DGAT1: variants seen among roughly 807,000 people sequenced by gnomAD.
The protein encoded by DGAT1 is diacylglycerol O-acyltransferase 1, also known as ACAT related gene product 1.
In DGAT1, 60 loss-of-function variants were observed where a neutral mutation model predicts 72.6. The observed-to-expected ratio is 0.83, with a 90% CI of 0.67 to 1.02. The LOEUF is 1.02. Among genes scored for constraint, DGAT1 ranks in the 50% least tolerant of loss-of-function variants. The probability of loss-of-function intolerance (pLI) is 0.00; values close to 1 mark genes in which losing one functional copy is unlikely to be tolerated. For synonymous variants in DGAT1, 290 were observed against 267.5 expected (o/e 1.08, Z -0.82); for missense variants, 592 against 670.0 (o/e 0.88, Z 1.29).
chr8:144,318,154 T>G lies in DGAT1; in HGVS notation c.692A>C (p.Lys231Thr), dbSNP rs781875216. The stretch of plus-strand genomic sequence containing the variant: ...GTGCGGGGCAGCAGCACTGCTGGCC[T>G]TCTTCCCTGCAGAGGCTACGAGCAC... The part of the protein sequence containing the change: ...ARAKAASAGK[K>T]ASSAAAPHTV... Residue 231 changes from lysine to threonine, a missense_variant, in exon 8 of 17, where the codon AAG becomes ACG. Coordinates refer to ENST00000528718, the MANE Select transcript of DGAT1 (RefSeq NM_012079.6). 48 of 1,586,466 alleles carry G rather than the reference T, an allele frequency of 3.0e-5. No homozygotes were observed. Among genetic ancestry groups the G allele is most frequent in the East Asian group, 4.5e-5 (2 of 44,462 alleles).
intron 9 of DGAT1, 21 bp downstream of exon 9, chr8:144,317,893 G>A (rs782658376): frequency 1.0e-4 from 158 of 1,538,426 alleles, no homozygotes; most frequent in Non-Finnish European, 1.4e-4. Context: ...TCCAGTGGCT[G>A]CCCCCAGCCC....
rs566464359 is a variant in DGAT1, at chr8:144,315,429, G to C, written c.*1125C>G. 312 of 985,554 alleles carry C rather than the reference G, an allele frequency of 3.2e-4. 1 individual carries two copies. The African/African-American group carries it at 5.1e-3, about 16-fold the overall frequency. 61.1% of individuals were successfully genotyped at this position (985,554 alleles called of 1,614,324 possible). The stretch of plus-strand genomic sequence containing the variant: ...CTGATGAGGCCCCTGGTGCAGTCCT[G>C]GGACCCTGTGCAGGGCCTCCTCAAA... On this transcript the variant is annotated 3_prime_UTR_variant, in exon 17 of 17. Coordinates refer to ENST00000528718, the MANE Select transcript of DGAT1 (RefSeq NM_012079.6).
At position 144,315,778 on chromosome 8, in the gene DGAT1, C is replaced by T; in HGVS notation, c.*776G>A. ...GGGCAGCTGAGAGCCACCAGCCCAC[C>T]TGGCTGCCCAGGTTCCAAGTGAAGG... On this transcript the variant is annotated 3_prime_UTR_variant, in exon 17 of 17. Coordinates refer to ENST00000528718, the MANE Select transcript of DGAT1 (RefSeq NM_012079.6). 3 of 955,806 alleles carry T rather than the reference C, an allele frequency of 3.1e-6. No homozygotes were observed. Among genetic ancestry groups the T allele is most frequent in the Non-Finnish European group, 3.7e-6 (3 of 802,906 alleles). The allele number at this position is 955,806 out of a possible 1,614,324, so 59.2% of individuals were successfully genotyped here.
chr8:144,325,108 C>T (rs1554848645), intron 1 of DGAT1, among the ~76,000 whole-genome samples: 1 of 152,048 alleles, frequency 6.6e-6, no homozygotes, highest in Non-Finnish European at 1.5e-5. Context: ...TTCCCACGTC[C>T]TCCACAGGTC....
chr8:144,315,458 C>T lies in DGAT1; in HGVS notation c.*1096G>A, dbSNP rs1003828077. On this transcript the variant is annotated 3_prime_UTR_variant, in exon 17 of 17. Transcript: ENST00000528718. The stretch of plus-strand genomic sequence containing the variant: ...CCCTGTGCAGGGCCTCCTCAAACAC[C>T]TGCCTTGTTGGGCCATAGCTGCAGG... 93 of 985,452 alleles carry T rather than the reference C, an allele frequency of 9.4e-5. No homozygotes were observed. The highest frequency in any genetic ancestry group is 1.1e-4 in the Non-Finnish European group (91 of 830,006). 61.0% of individuals were successfully genotyped at this position (985,452 alleles called of 1,614,324 possible). A position where few individuals can be genotyped will look rare whatever the true frequency, so the allele number is the denominator to read the frequency against.
intron 9 of DGAT1, 29 bp from the exon 10 acceptor site, chr8:144,317,851 G>A (rs1201476691): frequency 1.2e-6 from 2 of 1,603,274 alleles, no homozygotes; most frequent in African/African-American, 2.7e-5. Flanking sequence ...GCAGCCAGCT[G>A]AGGCCCTGGC....
intron 2 of DGAT1, 107 bp downstream of exon 2, chr8:144,321,214 T>C (rs527342593): frequency 9.2e-7 from 1 of 1,087,612 alleles, no homozygotes; most frequent in East Asian, 2.4e-5. Context: ...CCACAGGGGC[T>C]CCAGCCTGGA....
rs1436012895 is a variant in DGAT1, at chr8:144,318,236, G to A, written c.676+25C>T. ...CTGCTGCCCAGCCCCCCAGCAGGCA[G>A]CCCCAGCCCCTGGCAGCCCCTCACC... On this transcript the variant is annotated intron_variant, in intron 7 of 16. Transcript: ENST00000528718. The A allele has an allele frequency of 1.4e-5, 22 of 1,610,960 alleles. No individual in the cohort carries two copies. In the Admixed American group the frequency reaches 3.5e-4, roughly 26 times the overall value.
chr8:144,317,401 G>C lies in DGAT1; in HGVS notation c.1026C>G (p.Phe342Leu). The change falls in exon 13 of 17, where the codon TTC (phenylalanine) becomes TTG (leucine). Residue 342 changes from phenylalanine (F) to leucine (L), a missense_variant. Physicochemically the swap from Phe to Leu is conservative, Grantham distance 22. Transcript: ENST00000528718. ...LIWLIFFYWL[F>L]HSCLNAVAEL... is the part of the protein sequence containing the mutation. Reference sequence around the variant, plus strand: ...CAGCCACGGCATTCAGGCAGGAGTGGAAGAGCCAGTAGAAGAAGATGAGCC... The same window carrying C: ...CAGCCACGGCATTCAGGCAGGAGTGCAAGAGCCAGTAGAAGAAGATGAGCC... 1 of 1,613,876 alleles carries C rather than the reference G, an allele frequency of 6.2e-7. No homozygotes were observed. The highest frequency in any genetic ancestry group is 8.5e-7 in the Non-Finnish European group (1 of 1,179,998).
chr8:144,314,695 G>A lies in DGAT1; in HGVS notation c.*1859C>T, dbSNP rs1050679982. On this transcript the variant is annotated 3_prime_UTR_variant, in exon 17 of 17. Coordinates refer to ENST00000528718, the MANE Select transcript of DGAT1 (RefSeq NM_012079.6). ...TGGATGGACGGACAAGACAGGCAGAGATCTATAAACAGACAGGCTCTATGC... is the reference window on the plus strand; with the variant it reads ...TGGATGGACGGACAAGACAGGCAGAAATCTATAAACAGACAGGCTCTATGC... 16 of 275,160 alleles carry A rather than the reference G, an allele frequency of 5.8e-5. No homozygotes were observed. The highest frequency in any genetic ancestry group is 3.4e-4 in the African/African-American group (16 of 46,882). The allele number at this position is 275,160 out of a possible 1,614,324, so 17.0% of individuals were successfully genotyped here.
rs1414034040 is a variant in DGAT1, at chr8:144,326,715, G to A, written c.-79C>T. On this transcript the variant is annotated 5_prime_UTR_variant, in exon 1 of 17. Transcript: ENST00000528718. ...GCCCGAGGCGCGCGGCCCCACCTCCGGGCCCTAGACAACGGCCGCCACTGC... is the reference window on the plus strand; with the variant it reads ...GCCCGAGGCGCGCGGCCCCACCTCCAGGCCCTAGACAACGGCCGCCACTGC... 3 of 1,092,650 alleles carry A rather than the reference G, an allele frequency of 2.7e-6. No homozygotes were observed. The highest frequency in any genetic ancestry group is 1.7e-5 in the African/African-American group (1 of 59,578). The allele number at this position is 1,092,650 out of a possible 1,614,324, so 67.7% of individuals were successfully genotyped here. A position where few individuals can be genotyped will look rare whatever the true frequency, so the allele number is the denominator to read the frequency against.
At chr8:144,324,514 G>A (rs1215843909) in intron 1 of DGAT1, among the ~76,000 whole-genome samples, 2 of 152,160 alleles carry the variant, frequency 1.3e-5, no homozygotes, top group Non-Finnish European at 2.9e-5. Context: ...GGAGCAGATA[G>A]ACTTTTGGTC....
rs563138974 is a variant in DGAT1, at chr8:144,316,137, T to C, written c.*417A>G. ...GGGAATGGGGGCGTCTGCCTGGCCT[T>C]GCACTCCCCCTACCGGCCATGCCCG... On this transcript the variant is annotated 3_prime_UTR_variant, in exon 17 of 17. Transcript: ENST00000528718. The C allele has an allele frequency of 2.4e-4, 49 of 204,674 alleles. No individual in the cohort carries two copies. Among genetic ancestry groups the C allele is most frequent in the African/African-American group, 1.1e-3 (47 of 42,782 alleles). 12.7% of individuals were successfully genotyped at this position (204,674 alleles called of 1,614,324 possible). A position where few individuals can be genotyped will look rare whatever the true frequency, so the allele number is the denominator to read the frequency against.
intron 3 of DGAT1, 23 bp from the exon 4 acceptor site, chr8:144,318,943 C>A (rs1554847772): frequency 7.6e-7 from 1 of 1,318,096 alleles, no homozygotes; most frequent in Non-Finnish European, 1.0e-6. Flanking sequence ...GGATGGGGGT[C>A]TGAGTGGGTG....
Position 144,317,536 on chromosome 8 carries a change from GCACTCA to G in DGAT1, c.981+2_981+7del. 6.2e-7 allele frequency: 1 copy of G among 1,613,772 alleles called. No homozygotes were observed. The highest frequency in any genetic ancestry group is 8.5e-7 in the Non-Finnish European group (1 of 1,180,016). On this transcript the variant is annotated splice_donor_variant and splice_donor_5th_base_variant and intron_variant, in intron 12 of 16. Coordinates refer to ENST00000528718, the MANE Select transcript of DGAT1 (RefSeq NM_012079.6). LOFTEE classifies it high-confidence loss of function. The stretch of plus-strand genomic sequence containing the variant: ...TGTCCTGTGCATGCGCCACCTGTCC[GCACTCA>G]CCGCCAGCTTCAGGAGGCGCTCGAT...
chr8:144,317,538 A>G lies in DGAT1; in HGVS notation c.981+6T>C. The stretch of plus-strand genomic sequence containing the variant: ...TCCTGTGCATGCGCCACCTGTCCGC[A>G]CTCACCGCCAGCTTCAGGAGGCGCT... On this transcript the variant is annotated splice_donor_region_variant and intron_variant, in intron 12 of 16. Coordinates refer to ENST00000528718, the MANE Select transcript of DGAT1 (RefSeq NM_012079.6). 6.2e-7 allele frequency: 1 copy of G among 1,613,716 alleles called. No homozygotes were observed. Among genetic ancestry groups the G allele is most frequent in the Non-Finnish European group, 8.5e-7 (1 of 1,179,990 alleles).
intron 2 of DGAT1, 131 bp from the exon 3 acceptor site, chr8:144,319,199 G>T: frequency 9.9e-7 from 1 of 1,012,172 alleles, no homozygotes; most frequent in Non-Finnish European, 1.5e-6. Context: ...TGCAGACCCA[G>T]CCCTGTCTGG....
At position 144,317,092 on chromosome 8, in the gene DGAT1, A is replaced by T. The variant is rs1817260900; in HGVS notation, c.1178T>A (p.Met393Lys). ...CCACTTGCTGCTGCCCCGTCGAAGC[A>T]TGGGCTTGTAGAAGTGTCTGCAGAG... Reference protein sequence around the residue: ...KWCIRHFYKPMLRRGSSKWMA... With the variant: ...KWCIRHFYKPKLRRGSSKWMA... Residue 393 changes from methionine (M) to lysine (K), a missense_variant, in exon 15 of 17, where the codon ATG becomes AAG. Physicochemically the swap from Met to Lys is moderately conservative, Grantham distance 95. Coordinates refer to ENST00000528718, the MANE Select transcript of DGAT1 (RefSeq NM_012079.6). 5.6e-6 allele frequency: 9 copies of T among 1,613,036 alleles called. No homozygotes were observed. Among genetic ancestry groups the T allele is most frequent in the Non-Finnish European group, 7.6e-6 (9 of 1,179,940 alleles).
At chr8:144,317,141 G>A in intron 14 of DGAT1, 32 bp from the exon 15 acceptor site, 1 of 1,612,618 alleles carries the variant, frequency 6.2e-7, no homozygotes, top group African/African-American at 1.3e-5. Flanking sequence ...AAGCGGTTCA[G>A]GTTCACAGCC....
Sources: allele counts gnomAD v4.1 joint callset (sites outside exome capture counted in the v4.1 genomes callset), GRCh38; gene constraint gnomAD v4.1.1; transcripts MANE v1.5; gene names NCBI Gene and HGNC (gene_info 2026-07-23, HGNC 2026-07-21).